Variants in AWAT2 observed in about 807,000 individuals in gnomAD.
AWAT2 encodes the protein 11-cis-RE-synthase.
In AWAT2, 9 loss-of-function variants were observed where a neutral mutation model predicts 22.3. That is an observed-to-expected ratio of 0.40 (90% CI 0.24 to 0.70). The LOEUF is 0.70. Among genes scored for constraint, AWAT2 ranks in the 30% least tolerant of loss-of-function variants. The pLI, the probability that AWAT2 is intolerant of heterozygous loss-of-function variation, is 0.36. For synonymous variants in AWAT2, 100 were observed against 93.4 expected (o/e 1.07, Z -0.40); for missense variants, 217 against 265.9 (o/e 0.82, Z 1.28).
chrX:70,041,912 C>T lies in AWAT2; in HGVS notation c.898G>A (p.Val300Met), dbSNP rs1190525139. Reference sequence around the variant, plus strand: ...ATATAGAGTGTGTGATATTTAGCCACGATCTCCTGGCTTGGATTCTCAATC... The same window carrying T: ...ATATAGAGTGTGTGATATTTAGCCATGATCTCCTGGCTTGGATTCTCAATC... ...PKIENPSQEI[V>M]AKYHTLYIDA... Residue 300 changes from valine to methionine, a missense_variant, in exon 7 of 8, where the codon GTG becomes ATG. Val to Met is a conservative substitution (Grantham distance 21). Transcript: ENST00000276101. 7 of 1,210,679 alleles carry T rather than the reference C, an allele frequency of 5.8e-6. No individual in the cohort carries two copies. Among genetic ancestry groups the T allele is most frequent in the East Asian group, 3.0e-5 (1 of 33,827 alleles).
chrX:70,047,133 C>T (rs1450987746), intron 1 of AWAT2, among the ~76,000 whole-genome samples: 4 of 112,084 alleles, frequency 3.6e-5, no homozygotes, highest in African/African-American at 1.3e-4. Flanking sequence ...TTAACCAAAA[C>T]CTGTGCTATA....
chrX:70,048,292 C>T (rs1602632327), intron 1 of AWAT2, among the ~76,000 whole-genome samples: 1 of 111,429 alleles, frequency 9.0e-6, no homozygotes, highest in African/African-American at 3.3e-5. Context: ...AAACTCCTTC[C>T]CATGGTTTAC....
At position 70,043,462 on chromosome X, in the gene AWAT2, C is replaced by G; in HGVS notation, c.472+16G>C. 1 of 1,199,825 alleles carries G rather than the reference C, an allele frequency of 8.3e-7. No homozygotes were observed. Among genetic ancestry groups the G allele is most frequent in the Non-Finnish European group, 1.1e-6 (1 of 886,876 alleles). On this transcript the variant is annotated intron_variant, in intron 4 of 7. Coordinates refer to ENST00000276101, the MANE Select transcript of AWAT2 (RefSeq NM_001002254.1). The stretch of plus-strand genomic sequence containing the variant: ...GCCATTTTTTCTTTGGCTTTGTGTC[C>G]TAGGAGCCAACTTACCTGTAGACAT...
At chrX:70,046,608 T>C (rs1184267280) in intron 1 of AWAT2, among the ~76,000 whole-genome samples, 2 of 111,273 alleles carry the variant, frequency 1.8e-5, no homozygotes, top group Non-Finnish European at 3.8e-5. Context: ...TTTCACCATG[T>C]TGGCCAGGCT....
At chrX:70,045,017 T>C (rs2020353764) in intron 1 of AWAT2, among the ~76,000 whole-genome samples, 2 of 112,171 alleles carry the variant, frequency 1.8e-5, no homozygotes, top group Non-Finnish European at 3.8e-5. Flanking sequence ...AGGAACACTG[T>C]AGGTTAGCAT....
rs908482628 is a variant in AWAT2, at chrX:70,040,961, G to A, written c.*697C>T. The A allele has an allele frequency of 8.9e-6, 1 of 112,106 alleles. No individual in the cohort carries two copies. Among genetic ancestry groups the A allele is most frequent in the African/African-American group, 3.2e-5 (1 of 30,826 alleles). 9.2% of individuals were successfully genotyped at this position (112,106 alleles called of 1,213,427 possible). A position where few individuals can be genotyped will look rare whatever the true frequency, so the allele number is the denominator to read the frequency against. ...CTCAAACAAAGGCCAGAATTATAGG[G>A]CCACACAAGTATAGGCAAGTTGCTG... On this transcript the variant is annotated 3_prime_UTR_variant, in exon 8 of 8. Transcript: ENST00000276101.
intron 1 of AWAT2, among the ~76,000 whole-genome samples, chrX:70,046,537 TAGGATTAC>T (rs1362919359): frequency 1.8e-5 from 2 of 110,223 alleles, no homozygotes; most frequent in Non-Finnish European, 3.8e-5. Context: ...CCCCAGTAGC[TAGGATTAC>T]AGGTGCACGC....
chrX:70,042,771 G>A, intron 5 of AWAT2: 1 of 403,020 alleles, frequency 2.5e-6, no homozygotes, highest in East Asian at 4.1e-5. Context: ...GCTGGTGTGA[G>A]GGAGAACAGG....
intron 5 of AWAT2, chrX:70,042,684 C>T: frequency 2.4e-6 from 1 of 419,805 alleles, no homozygotes. Flanking sequence ...TTCACTTTAA[C>T]ACAAGCTAAG....
chrX:70,041,462 T>G lies in AWAT2; in HGVS notation c.*196A>C. 1.3e-5 allele frequency: 2 copies of G among 158,643 alleles called. No individual in the cohort carries two copies. The highest frequency in any genetic ancestry group is 2.4e-5 in the Non-Finnish European group (2 of 83,779). The allele number at this position is 158,643 out of a possible 1,213,427, so 13.1% of individuals were successfully genotyped here. A position where few individuals can be genotyped will look rare whatever the true frequency, so the allele number is the denominator to read the frequency against. ...GCATCCCAGAGCCTTCAAAACAGAG[T>G]AGTTGGTGCACACGCAGTTATCAGA... is the stretch of plus-strand genomic sequence containing the variant. On this transcript the variant is annotated 3_prime_UTR_variant, in exon 8 of 8. Transcript: ENST00000276101.
chrX:70,046,823 C>T (rs188013833), intron 1 of AWAT2, among the ~76,000 whole-genome samples: 5 of 111,857 alleles, frequency 4.5e-5, no homozygotes, highest in East Asian at 2.8e-4. Context: ...CTAGTCTCAA[C>T]GGTTTCTTTT....
chrX:70,049,899 C>A lies in AWAT2; in HGVS notation c.34G>T (p.Ala12Ser), dbSNP rs1305634983. 4.1e-6 allele frequency: 5 copies of A among 1,210,122 alleles called. No homozygotes were observed. The highest frequency in any genetic ancestry group is 1.8e-5 in the South Asian group (1 of 56,701). ...LLPSKKDLKT[A>S]LDVFAVFQWS... is the part of the protein sequence containing the mutation. ...TGGAAAACAGCAAAGACATCCAGGG[C>A]AGTCTTGAGGTCCTTCTTAGAGGGC... Residue 12 changes from alanine to serine, a missense_variant, in exon 1 of 8, where the codon GCC becomes TCC. Physicochemically the swap from Ala to Ser is moderately conservative, Grantham distance 99. Transcript: ENST00000276101.
At position 70,043,477 on chromosome X, in the gene AWAT2, C is replaced by T; in HGVS notation, c.472+1G>A. The T allele has an allele frequency of 8.3e-7, 1 of 1,207,385 alleles. No homozygotes were observed. Among genetic ancestry groups the T allele is most frequent in the South Asian group, 1.8e-5 (1 of 56,646 alleles). On this transcript the variant is annotated splice_donor_variant, in intron 4 of 7. Coordinates refer to ENST00000276101, the MANE Select transcript of AWAT2 (RefSeq NM_001002254.1). LOFTEE classifies it high-confidence loss of function. ...GCTTTGTGTCCTAGGAGCCAACTTACCTGTAGACATTACATATTCTCTGAG... is the reference window on the plus strand; with the variant it reads ...GCTTTGTGTCCTAGGAGCCAACTTATCTGTAGACATTACATATTCTCTGAG...
chrX:70,042,007 G>C (rs2020331636), intron 6 of AWAT2, 45 bp from the exon 7 acceptor site: 2 of 1,184,229 alleles, frequency 1.7e-6, no homozygotes, highest in East Asian at 3.0e-5. Context: ...CATCAGAATA[G>C]CTCATTCCTC....
chrX:70,046,577 G>T (rs914688725), intron 1 of AWAT2, among the ~76,000 whole-genome samples: 5 of 110,921 alleles, frequency 4.5e-5, no homozygotes, highest in Non-Finnish European at 9.4e-5. Flanking sequence ...GCTGATTTTT[G>T]TATCTTTAGC....
At position 70,049,923 on chromosome X, in the gene AWAT2, G is replaced by C. The variant is rs770724800; in HGVS notation, c.10C>G (p.Pro4Ala). Residue 4 changes from proline (P) to alanine (A), a missense_variant, in exon 1 of 8, where the codon CCC (proline) becomes GCC (alanine). Transcript: ENST00000276101. The stretch of plus-strand genomic sequence containing the variant: ...GCAGTCTTGAGGTCCTTCTTAGAGG[G>C]CAAGAGCATTGTGCCCAGCGTCCCA... MLLPSKKDLKTALD... is the reference protein window; with the variant it reads MLLASKKDLKTALD... 8.3e-7 allele frequency: 1 copy of C among 1,211,221 alleles called. No homozygotes were observed. Among genetic ancestry groups the C allele is most frequent in the South Asian group, 1.8e-5 (1 of 56,760 alleles).
chrX:70,043,916 G>C lies in AWAT2; in HGVS notation c.267+10C>G. The C allele has an allele frequency of 8.3e-7, 1 of 1,200,061 alleles. No individual in the cohort carries two copies. The highest frequency in any genetic ancestry group is 1.8e-5 in the South Asian group (1 of 54,964). On this transcript the variant is annotated intron_variant, in intron 3 of 7. Coordinates refer to ENST00000276101, the MANE Select transcript of AWAT2 (RefSeq NM_001002254.1). ...GACCTGGGCCTGAGTGGGGACCTGG[G>C]GCTACTGACCTTGAGAGGGAAATAA...
At position 70,040,639 on chromosome X, in the gene AWAT2, A is replaced by G. The variant is rs2020319369; in HGVS notation, c.*1019T>C. ...GAAAAGCAGAAGCATGTCTTTGGCC[A>G]CTGTATACAAATCATCACATGAGGC... On this transcript the variant is annotated 3_prime_UTR_variant, in exon 8 of 8. Coordinates refer to ENST00000276101, the MANE Select transcript of AWAT2 (RefSeq NM_001002254.1). The G allele has an allele frequency of 8.9e-6, 1 of 112,601 alleles. No homozygotes were observed. The highest frequency in any genetic ancestry group is 1.9e-5 in the Non-Finnish European group (1 of 53,358). The allele number at this position is 112,601 out of a possible 1,213,427, so 9.3% of individuals were successfully genotyped here.
chrX:70,048,021 AC>A (rs2020374401), intron 1 of AWAT2, among the ~76,000 whole-genome samples: 2 of 29,265 alleles, frequency 6.8e-5, no homozygotes, highest in East Asian at 1.1e-3. Flanking sequence ...CCGTGCCCCC[AC>A]CCCCCATCTT....
Sources: allele counts gnomAD v4.1 joint callset (sites outside exome capture counted in the v4.1 genomes callset), GRCh38; gene constraint gnomAD v4.1.1; transcripts MANE v1.5; gene names NCBI Gene and HGNC (gene_info 2026-07-23, HGNC 2026-07-21).